The following DAB1 variants were observed in gnomAD, a reference collection of about 807,000 sequenced individuals.
The protein encoded by DAB1 is disabled homolog 1.
DAB1 carries 15 observed loss-of-function variants against 64.6 expected under a neutral mutation model. That is an observed-to-expected ratio of 0.23 (90% CI 0.16 to 0.36). The LOEUF is 0.36. Among genes scored for constraint, DAB1 ranks in the 10% least tolerant of loss-of-function variants. The pLI, the probability that DAB1 is intolerant of heterozygous loss-of-function variation, is 1.00. For missense variants in DAB1, 596 were observed against 706.7 expected, an observed-to-expected ratio of 0.84 and a Z score of 1.78; for synonymous variants, 235 against 251.9, an observed-to-expected ratio of 0.93 and a Z score of 0.64.
At chr1:57,933,791 AAACT>A (rs1644985666) in intron 5 of DAB1, among the ~76,000 whole-genome samples, 1 of 152,184 alleles carries the variant, frequency 6.6e-6, no homozygotes, top group Admixed American at 6.5e-5. Flanking sequence ...GTTTTATAAG[AAACT>A]AACAGGTCCT....
intron 6 of DAB1, among the ~76,000 whole-genome samples, chr1:57,808,690 A>G (rs1651480176): frequency 6.6e-6 from 1 of 152,202 alleles, no homozygotes; most frequent in African/African-American, 2.4e-5. Flanking sequence ...GGTTCTTCAT[A>G]TTAGTATTAA....
chr1:58,147,983 GA>G (rs58099365), intron 5 of DAB1, among the ~76,000 whole-genome samples: 2,162 of 113,502 alleles, frequency 0.019, 29 homozygotes, highest in Middle Eastern at 0.042. Flanking sequence ...TATAGCTGGA[GA>G]AAAAAAAAAA....
At chr1:57,445,883 A>C (rs187865809) in intron 7 of DAB1, among the ~76,000 whole-genome samples, 27 of 152,334 alleles carry the variant, frequency 1.8e-4, no homozygotes, top group Non-Finnish European at 3.2e-4. Context: ...GTATAGGTTT[A>C]ATGCTTTCTT....
At chr1:58,277,126 G>A (rs181053813) in intron 4 of DAB1, among the ~76,000 whole-genome samples, 2 of 137,602 alleles carry the variant, frequency 1.5e-5, no homozygotes, top group East Asian at 2.4e-4. Flanking sequence ...TGCAAGCTCC[G>A]CCTCCCGGGT....
chr1:57,614,749 G>T (rs1436886898), intron 7 of DAB1, among the ~76,000 whole-genome samples: 1 of 151,866 alleles, frequency 6.6e-6, no homozygotes, highest in East Asian at 1.9e-4. Flanking sequence ...ACATCCTAGG[G>T]CTAGCGACCA....
chr1:58,402,888 C>T (rs915539562), intron 3 of DAB1, among the ~76,000 whole-genome samples: 1 of 152,204 alleles, frequency 6.6e-6, no homozygotes, highest in Non-Finnish European at 1.5e-5. Flanking sequence ...CCTTTGAAGG[C>T]TGTGCGACCA....
chr1:58,327,370 A>G (rs1449566902), intron 4 of DAB1, among the ~76,000 whole-genome samples: 2 of 152,178 alleles, frequency 1.3e-5, no homozygotes, highest in Non-Finnish European at 2.9e-5. Context: ...CTGTAATGTT[A>G]TAGAACTGTC....
chr1:57,925,145 T>C (rs1050864144), intron 5 of DAB1, among the ~76,000 whole-genome samples: 6 of 152,184 alleles, frequency 3.9e-5, no homozygotes, highest in Admixed American at 3.3e-4. Flanking sequence ...ATTCTGTCTC[T>C]TATCAAGATC....
intron 4 of DAB1, among the ~76,000 whole-genome samples, chr1:58,291,112 T>C (rs1212802803): frequency 6.6e-6 from 1 of 152,144 alleles, no homozygotes; most frequent in Non-Finnish European, 1.5e-5. Flanking sequence ...TAAATTGAAG[T>C]AGCAACATGT....
intron 1 of DAB1, among the ~76,000 whole-genome samples, chr1:57,356,468 T>C (rs545724346): frequency 6.6e-6 from 1 of 152,204 alleles, no homozygotes; most frequent in East Asian, 1.9e-4. Context: ...ATCACATTTA[T>C]TTCCACTCCT....
At chr1:57,125,287 G>GCA (rs960405808) in intron 4 of DAB1, among the ~76,000 whole-genome samples, 4 of 152,166 alleles carry the variant, frequency 2.6e-5, no homozygotes, top group African/African-American at 7.2e-5. Flanking sequence ...CTCTGGCAGG[G>GCA]CACAGGATAA....
chr1:57,870,173 C>T (rs542089724), intron 1 of DAB1, among the ~76,000 whole-genome samples: 2 of 152,152 alleles, frequency 1.3e-5, no homozygotes, highest in East Asian at 3.9e-4. Flanking sequence ...TATGCAAGGC[C>T]AGGTGCATAC....
intron 4 of DAB1, among the ~76,000 whole-genome samples, chr1:57,106,943 G>A (rs1655217837): frequency 6.6e-6 from 1 of 152,152 alleles, no homozygotes; most frequent in African/African-American, 2.4e-5. Context: ...GGGTCTCAGG[G>A]AAAGTTCTAT....
intron 5 of DAB1, among the ~76,000 whole-genome samples, chr1:58,117,992 C>T (rs765122297): frequency 6.6e-6 from 1 of 151,922 alleles, no homozygotes; most frequent in South Asian, 2.1e-4. Flanking sequence ...ATAGCCTCGA[C>T]TTCCCAGGCT....
intron 5 of DAB1, among the ~76,000 whole-genome samples, chr1:57,909,580 A>C (rs762066297): frequency 2.0e-5 from 3 of 152,176 alleles, no homozygotes; most frequent in Non-Finnish European, 4.4e-5. Flanking sequence ...AAAGAAAGAA[A>C]CTATGAAATG....
At chr1:58,139,695 A>G (rs192112207) in intron 5 of DAB1, among the ~76,000 whole-genome samples, 1 of 152,322 alleles carries the variant, frequency 6.6e-6, no homozygotes, top group African/African-American at 2.4e-5. Context: ...AAAGTCTGAT[A>G]CGAAGTCTGT....
At chr1:57,354,422 G>A (rs1032770183) in intron 1 of DAB1, among the ~76,000 whole-genome samples, 2 of 151,980 alleles carry the variant, frequency 1.3e-5, no homozygotes, top group Admixed American at 1.3e-4. Flanking sequence ...TTTGGAAATT[G>A]TTTACTATTC....
At chr1:58,176,916 T>G (rs1656513454) in intron 4 of DAB1, among the ~76,000 whole-genome samples, 1 of 151,666 alleles carries the variant, frequency 6.6e-6, no homozygotes, top group Non-Finnish European at 1.5e-5. Context: ...GAGGCGGAGC[T>G]TGCAGTGAGC....
At chr1:57,413,624 C>T (rs1384562087) in intron 1 of DAB1, among the ~76,000 whole-genome samples, 3 of 151,186 alleles carry the variant, frequency 2.0e-5, no homozygotes, top group Non-Finnish European at 4.4e-5. Flanking sequence ...GGTGCCTGTA[C>T]TCCCAAATAC....
Sources: gnomAD v4.1 joint callset for allele counts (sites outside exome capture counted in the v4.1 genomes callset) on GRCh38, gnomAD v4.1.1 for gene constraint, MANE v1.5 for transcripts, NCBI Gene and HGNC (gene_info 2026-07-23, HGNC 2026-07-21) for gene names.